The following TMEM242 variants were observed in gnomAD, a reference collection of about 807,000 sequenced individuals.
TMEM242 encodes transmembrane protein 242, also known as UPF0463 transmembrane protein C6orf35.
TMEM242 carries 10 observed loss-of-function variants against 18.2 expected under a neutral mutation model. The observed-to-expected ratio is 0.55, with a 90% CI of 0.34 to 0.93. TMEM242 has a LOEUF of 0.93. Among genes scored for constraint, TMEM242 ranks in the 40% least tolerant of loss-of-function variants. The pLI is 0.02. For synonymous variants in TMEM242, 57 were observed against 69.9 expected (o/e 0.81, Z 0.92); for missense variants, 186 against 175.5 (o/e 1.06, Z -0.34).
At chr6:157,310,537 C>A in intron 3 of TMEM242, among the ~76,000 whole-genome samples, 1 of 148,942 alleles carries the variant, frequency 6.7e-6, no homozygotes, top group Non-Finnish European at 1.5e-5. Flanking sequence ...TCATGGTATC[C>A]CAGTGTGCGC....
chr6:157,312,568 A>AG (rs1778199377), intron 3 of TMEM242, among the ~76,000 whole-genome samples: 2 of 31,964 alleles, frequency 6.3e-5, no homozygotes, highest in African/African-American at 1.2e-4. Flanking sequence ...GCCCCAGTGT[A>AG]CGCTCACCCG....
chr6:157,313,507 G>A (rs113133494), intron 3 of TMEM242, among the ~76,000 whole-genome samples: 5 of 136,252 alleles, frequency 3.7e-5, no homozygotes, highest in Non-Finnish European at 7.9e-5. Flanking sequence ...ACTCATCATA[G>A]TACCCCAGTG....
chr6:157,297,423 A>G (rs1335114092), intron 3 of TMEM242, among the ~76,000 whole-genome samples: 1 of 152,244 alleles, frequency 6.6e-6, no homozygotes, highest in East Asian at 1.9e-4. Flanking sequence ...AAAGTCCTTA[A>G]GCATCAATTC....
intron 3 of TMEM242, among the ~76,000 whole-genome samples, chr6:157,294,280 A>C (rs1400245788): frequency 6.6e-6 from 1 of 151,872 alleles, no homozygotes; most frequent in Non-Finnish European, 1.5e-5. Context: ...TATTTTCCTA[A>C]GGATAGAGAT....
intron 3 of TMEM242, among the ~76,000 whole-genome samples, chr6:157,297,190 C>A (rs1323423618): frequency 2.0e-5 from 3 of 152,266 alleles, no homozygotes; most frequent in Middle Eastern, 3.4e-3. Flanking sequence ...CTCAGAGAAA[C>A]GAAACAATGT....
At chr6:157,323,317 A>ATGTGTGTG in intron 1 of TMEM242, 95 bp downstream of exon 1, 1 of 1,341,164 alleles carries the variant, frequency 7.5e-7, no homozygotes, top group Non-Finnish European at 1.0e-6. Flanking sequence ...AAGGGCTCTC[A>ATGTGTGTG]GAGCGGGATG....
chr6:157,292,941 T>G lies in TMEM242; in HGVS notation c.386A>C (p.Glu129Ala). The G allele has an allele frequency of 1.9e-6, 3 of 1,613,842 alleles. No homozygotes were observed. The highest frequency in any genetic ancestry group is 2.5e-6 in the Non-Finnish European group (3 of 1,179,772). The part of the protein sequence containing the change: ...SIFPTIPKNS[E>A]SAVEWEETLK... ...TGTTTCCTCCCACTCAACAGCCGAT[T>G]CGGAGTTCTTGGGAATTGTTGGAAA... The change falls in exon 4 of 4, where the codon GAA becomes GCA. Residue 129 changes from glutamate (E) to alanine (A), a missense_variant. Coordinates refer to ENST00000400788, the MANE Select transcript of TMEM242 (RefSeq NM_018452.6).
chr6:157,313,038 C>T (rs1554249581), intron 3 of TMEM242, among the ~76,000 whole-genome samples: 44 of 151,234 alleles, frequency 2.9e-4, no homozygotes, highest in South Asian at 4.2e-4. Flanking sequence ...CATAGTGTCC[C>T]AGTGTGCACT....
rs1777679627 is a variant in TMEM242 at position 157,291,265 on chromosome 6, T to C, written c.*1636A>G. On this transcript the variant is annotated 3_prime_UTR_variant, in exon 4 of 4. Transcript: ENST00000400788. ...CATCTATGAAAAATAAAACCCAGATTCTAGCTGTAAACAGTTTTAGGTAGT... is the reference window on the plus strand; with the variant it reads ...CATCTATGAAAAATAAAACCCAGATCCTAGCTGTAAACAGTTTTAGGTAGT... The C allele has an allele frequency of 6.6e-6, 1 of 152,222 alleles. No individual in the cohort carries two copies. Among genetic ancestry groups the C allele is most frequent in the African/African-American group, 2.4e-5 (1 of 41,454 alleles). The allele number at this position is 152,222 out of a possible 1,614,324, so 9.4% of individuals were successfully genotyped here.
chr6:157,299,732 A>C, intron 3 of TMEM242: 1 of 1,604,784 alleles, frequency 6.2e-7, no homozygotes, highest in East Asian at 2.2e-5. Context: ...TTCTGTGATA[A>C]TCACTAGGCT....
intron 3 of TMEM242, among the ~76,000 whole-genome samples, chr6:157,293,363 C>CAAAA (rs782234823): frequency 0.073 from 11,024 of 151,474 alleles, 544 homozygotes; most frequent in South Asian, 0.12. Flanking sequence ...TAAAAACAAA[C>CAAAA]AAACAAACAA....
intron 3 of TMEM242, among the ~76,000 whole-genome samples, chr6:157,310,846 G>C (rs1554248475): frequency 1.0e-3 from 141 of 139,794 alleles, no homozygotes; most frequent in Non-Finnish European, 1.4e-3. Flanking sequence ...TAGTGTCCCA[G>C]TGTGCACTCA....
At chr6:157,312,748 GGCCTCATCTTACTGTCACAGTGTGCGC>G (rs1778215180) in intron 3 of TMEM242, among the ~76,000 whole-genome samples, 1 of 21,946 alleles carries the variant, frequency 4.6e-5, no homozygotes, top group Admixed American at 4.3e-4. Context: ...GCGCTCACCT[GGCCTCATCTTACTGTCACAGTGTGCGC>G]TCACCTAGCT....
At chr6:157,297,262 C>A (rs2128412911) in intron 3 of TMEM242, among the ~76,000 whole-genome samples, 2 of 152,282 alleles carry the variant, frequency 1.3e-5, no homozygotes, top group Middle Eastern at 6.8e-3. Flanking sequence ...TACTGTGTAT[C>A]CTGCTTGAAT....
At chr6:157,307,874 C>T (rs1050299798) in intron 3 of TMEM242, among the ~76,000 whole-genome samples, 2 of 152,108 alleles carry the variant, frequency 1.3e-5, no homozygotes, top group African/African-American at 2.4e-5. Context: ...AATATGCTGA[C>T]GTATGGTAAT....
chr6:157,297,246 T>C (rs1274599295), intron 3 of TMEM242, among the ~76,000 whole-genome samples: 1 of 152,246 alleles, frequency 6.6e-6, no homozygotes, highest in African/African-American at 2.4e-5. Flanking sequence ...GCACAGCCTA[T>C]GTGCTTACTG....
chr6:157,306,363 T>G (rs147875548), intron 3 of TMEM242, among the ~76,000 whole-genome samples: 1 of 152,064 alleles, frequency 6.6e-6, no homozygotes, highest in East Asian at 1.9e-4. Flanking sequence ...ATAGTGGCTG[T>G]GGGGGTCAGG....
chr6:157,316,260 G>A (rs1184763652), intron 3 of TMEM242, among the ~76,000 whole-genome samples: 1 of 152,090 alleles, frequency 6.6e-6, no homozygotes, highest in Non-Finnish European at 1.5e-5. Flanking sequence ...ATTCAGACCT[G>A]GGTTTAAATC....
intron 3 of TMEM242, among the ~76,000 whole-genome samples, chr6:157,303,603 G>C (rs1777861784): frequency 6.6e-6 from 1 of 152,104 alleles, no homozygotes; most frequent in South Asian, 2.1e-4. Flanking sequence ...TCTTTGGAAA[G>C]CTTTAAAAAA....
Sources: allele counts gnomAD v4.1 joint callset (sites outside exome capture counted in the v4.1 genomes callset), GRCh38; gene constraint gnomAD v4.1.1; transcripts MANE v1.5; gene names NCBI Gene and HGNC (gene_info 2026-07-23, HGNC 2026-07-21).